AUTS2: variants seen among roughly 807,000 people sequenced by gnomAD.
AUTS2 encodes the protein activator of transcription and developmental regulator AUTS2, also known as autism susceptibility gene 2 protein.
A neutral mutation model predicts 112.4 loss-of-function variants in AUTS2; 17 were observed. The ratio of observed to expected loss-of-function variants is 0.15; its 90% confidence interval spans 0.10 to 0.23. The LOEUF is 0.23. AUTS2 is among the 10% of genes least tolerant of loss of function. The pLI is 1.00. For missense variants in AUTS2, 1,510 were observed against 1,701.6 expected (o/e 0.89, Z 1.98); for synonymous variants, 751 against 702.7 (o/e 1.07, Z -1.09).
chr7:70,488,134 G>A (rs1798088444), intron 5 of AUTS2, among the ~76,000 whole-genome samples: 1 of 152,242 alleles, frequency 6.6e-6, no homozygotes, highest in Non-Finnish European at 1.5e-5. Flanking sequence ...TGCAAGGCAA[G>A]GAGGCCAGGC....
intron 1 of AUTS2, among the ~76,000 whole-genome samples, chr7:69,802,824 A>G (rs956733926): frequency 6.6e-6 from 1 of 152,204 alleles, no homozygotes; most frequent in African/African-American, 2.4e-5. Flanking sequence ...GGAACAGTAT[A>G]TTAGTAAGGG....
chr7:69,864,349 A>T (rs887546694), intron 1 of AUTS2, among the ~76,000 whole-genome samples: 3 of 152,132 alleles, frequency 2.0e-5, no homozygotes, highest in Non-Finnish European at 4.4e-5. Flanking sequence ...TCCATGCTAG[A>T]GAAGAGATGA....
intron 2 of AUTS2, among the ~76,000 whole-genome samples, chr7:70,086,115 T>G (rs114190338): frequency 0.02 from 3,085 of 152,326 alleles, 122 homozygotes; most frequent in African/African-American, 0.071. Flanking sequence ...ACTTACTTTT[T>G]CCTTTTCAAA....
At chr7:69,602,842 CTG>C (rs1792507088) in intron 1 of AUTS2, among the ~76,000 whole-genome samples, 1 of 152,144 alleles carries the variant, frequency 6.6e-6, no homozygotes, top group Admixed American at 6.5e-5. Flanking sequence ...GTTTTGTTGG[CTG>C]TGTGCTATCA....
At chr7:70,245,165 TATATAA>T (rs2129601910) in intron 4 of AUTS2, among the ~76,000 whole-genome samples, 2 of 138,636 alleles carry the variant, frequency 1.4e-5, no homozygotes, top group African/African-American at 5.5e-5. Context: ...TATATATATA[TATATAA>T]AAAATAAAAA....
intron 4 of AUTS2, among the ~76,000 whole-genome samples, chr7:70,152,536 A>G (rs1017252632): frequency 1.3e-5 from 2 of 152,168 alleles, no homozygotes; most frequent in African/African-American, 4.8e-5. Flanking sequence ...ATAACTTTCA[A>G]AAGACATGGA....
At chr7:70,379,012 T>G (rs936191494) in intron 4 of AUTS2, among the ~76,000 whole-genome samples, 24 of 152,214 alleles carry the variant, frequency 1.6e-4, no homozygotes, top group African/African-American at 4.3e-4. Context: ...CCAATTCTTA[T>G]TAAGACTAGC....
chr7:69,741,253 C>T (rs1787250951), intron 1 of AUTS2, among the ~76,000 whole-genome samples: 1 of 152,156 alleles, frequency 6.6e-6, no homozygotes, highest in Non-Finnish European at 1.5e-5. Context: ...GGCTTGGGAA[C>T]TTGGCATCCT....
intron 5 of AUTS2, among the ~76,000 whole-genome samples, chr7:70,577,515 AG>A (rs1378624340): frequency 1.3e-5 from 2 of 152,182 alleles, no homozygotes; most frequent in Non-Finnish European, 2.9e-5. Flanking sequence ...CCTTCGGTGT[AG>A]GGAATATGTA....
At chr7:70,377,993 G>T (rs1383823983) in intron 4 of AUTS2, among the ~76,000 whole-genome samples, 1 of 151,712 alleles carries the variant, frequency 6.6e-6, no homozygotes, top group Middle Eastern at 3.4e-3. Context: ...TTAGCCAATG[G>T]TCTTGATCTC....
intron 11 of AUTS2, among the ~76,000 whole-genome samples, chr7:70,772,924 A>G (rs951848505): frequency 2.0e-5 from 3 of 152,256 alleles, no homozygotes; most frequent in Admixed American, 6.5e-5. Context: ...ACAGACTGGT[A>G]GGTCATTTAA....
At chr7:70,583,465 G>A (rs976596268) in intron 5 of AUTS2, among the ~76,000 whole-genome samples, 1 of 152,196 alleles carries the variant, frequency 6.6e-6, no homozygotes, top group Non-Finnish European at 1.5e-5. Context: ...CAGAGGGAGA[G>A]GGGGCCTGTT....
intron 2 of AUTS2, among the ~76,000 whole-genome samples, chr7:69,963,882 T>G (rs1235795235): frequency 6.6e-6 from 1 of 152,122 alleles, no homozygotes; most frequent in African/African-American, 2.4e-5. Context: ...AAAGTAGCCT[T>G]TTCTCCCTGC....
chr7:70,605,405 C>G (rs758892891), intron 5 of AUTS2, among the ~76,000 whole-genome samples: 4 of 152,114 alleles, frequency 2.6e-5, no homozygotes, highest in Non-Finnish European at 4.4e-5. Flanking sequence ...TTGATATCTT[C>G]CATGGAAAAG....
intron 1 of AUTS2, among the ~76,000 whole-genome samples, chr7:69,724,549 G>A (rs958006724): frequency 2.6e-5 from 4 of 152,098 alleles, no homozygotes; most frequent in African/African-American, 9.7e-5. Flanking sequence ...CACTTTTAAC[G>A]GCACAGAAAG....
chr7:70,100,979 G>A (rs1467552603), intron 2 of AUTS2, among the ~76,000 whole-genome samples: 2 of 152,106 alleles, frequency 1.3e-5, no homozygotes, highest in African/African-American at 4.8e-5. Context: ...CTGGGTTCAA[G>A]CGATTCTCCT....
intron 1 of AUTS2, among the ~76,000 whole-genome samples, chr7:69,658,109 T>G (rs1463635218): frequency 6.6e-6 from 1 of 152,240 alleles, no homozygotes; most frequent in Non-Finnish European, 1.5e-5. Context: ...ATAAATAAAG[T>G]TTTATTGGAA....
chr7:69,804,234 G>A (rs1411112284), intron 1 of AUTS2, among the ~76,000 whole-genome samples: 1 of 152,116 alleles, frequency 6.6e-6, no homozygotes, highest in Non-Finnish European at 1.5e-5. Context: ...GGGGGAGTGG[G>A]TGTGAAACCA....
At chr7:70,253,052 T>G (rs1435076389) in intron 4 of AUTS2, among the ~76,000 whole-genome samples, 1 of 152,150 alleles carries the variant, frequency 6.6e-6, no homozygotes, top group Non-Finnish European at 1.5e-5. Context: ...TGTAGTCAAT[T>G]TATGAATTCC....
Sources: gnomAD v4.1 joint callset for allele counts (sites outside exome capture counted in the v4.1 genomes callset) on GRCh38, gnomAD v4.1.1 for gene constraint, MANE v1.5 for transcripts, NCBI Gene and HGNC (gene_info 2026-07-23, HGNC 2026-07-21) for gene names.